Variants in CTNND2 observed in about 807,000 individuals in gnomAD.
The protein encoded by CTNND2 is catenin delta 2.
In CTNND2, 22 loss-of-function variants were observed where a neutral mutation model predicts 144.4. That is an observed-to-expected ratio of 0.15 (90% CI 0.11 to 0.22). The LOEUF is 0.22. Among genes scored for constraint, CTNND2 ranks in the 10% least tolerant of loss-of-function variants. CTNND2 has a pLI of 1.00. For missense variants in CTNND2, 1,353 were observed against 1,618.8 expected, an observed-to-expected ratio of 0.84 and a Z score of 2.82; for synonymous variants, 751 against 695.6, an observed-to-expected ratio of 1.08 and a Z score of -1.25.
chr5:11,803,821 TA>T (rs772344044), intron 1 of CTNND2, among the ~76,000 whole-genome samples: 3 of 152,212 alleles, frequency 2.0e-5, no homozygotes, highest in African/African-American at 4.8e-5. Context: ...TCCTCCCAGA[TA>T]TCTGGTCTGC....
intron 2 of CTNND2, among the ~76,000 whole-genome samples, chr5:11,643,228 GT>G (rs1196448565): frequency 1.3e-5 from 2 of 151,012 alleles, no homozygotes; most frequent in Non-Finnish European, 2.9e-5. Flanking sequence ...TTTTATTTTT[GT>G]TTTTTTAATT....
chr5:11,321,697 A>AC (rs2150069329), intron 9 of CTNND2, among the ~76,000 whole-genome samples: 1 of 151,870 alleles, frequency 6.6e-6, no homozygotes, highest in South Asian at 2.1e-4. Context: ...GAAATAAATA[A>AC]CCCCCCAATG....
chr5:11,135,473 C>T (rs1368887211), intron 12 of CTNND2, among the ~76,000 whole-genome samples: 2 of 152,222 alleles, frequency 1.3e-5, no homozygotes, highest in African/African-American at 4.8e-5. Context: ...TTTGACAAAA[C>T]ACATGCAGAG....
At chr5:11,650,934 G>A (rs946684103) in intron 2 of CTNND2, among the ~76,000 whole-genome samples, 2 of 152,182 alleles carry the variant, frequency 1.3e-5, no homozygotes, top group African/African-American at 4.8e-5. Context: ...AAAACTTGCA[G>A]CCTAACCATG....
intron 3 of CTNND2, among the ~76,000 whole-genome samples, chr5:11,479,502 T>C (rs1263253190): frequency 6.6e-6 from 1 of 152,226 alleles, no homozygotes; most frequent in East Asian, 1.9e-4. Context: ...TATATTCCTT[T>C]GGTTATACAC....
intron 11 of CTNND2, among the ~76,000 whole-genome samples, chr5:11,168,609 C>T (rs1206961200): frequency 6.6e-6 from 1 of 152,162 alleles, no homozygotes. Context: ...TGTATAATCT[C>T]TGGAAAGTGG....
At chr5:11,254,698 A>AG (rs1744050352) in intron 9 of CTNND2, among the ~76,000 whole-genome samples, 1 of 152,230 alleles carries the variant, frequency 6.6e-6, no homozygotes, top group Non-Finnish European at 1.5e-5. Context: ...TTACACTTCA[A>AG]GAAGTATGAA....
At chr5:11,544,775 G>T (rs1035759461) in intron 3 of CTNND2, among the ~76,000 whole-genome samples, 5 of 152,134 alleles carry the variant, frequency 3.3e-5, no homozygotes, top group Admixed American at 2.0e-4. Context: ...TTGAGGTCAG[G>T]AGTTCAAGAC....
At chr5:11,172,936 A>G (rs1760079354) in intron 11 of CTNND2, among the ~76,000 whole-genome samples, 1 of 152,194 alleles carries the variant, frequency 6.6e-6, no homozygotes, top group African/African-American at 2.4e-5. Context: ...CCAGGAAGAG[A>G]GTGGGACATA....
At chr5:11,126,105 C>T (rs562904712) in intron 12 of CTNND2, among the ~76,000 whole-genome samples, 1 of 152,120 alleles carries the variant, frequency 6.6e-6, no homozygotes. Flanking sequence ...AGTTCGAGAC[C>T]AGCCTGACCA....
chr5:11,770,301 C>T (rs1789843520), intron 1 of CTNND2, among the ~76,000 whole-genome samples: 1 of 152,000 alleles, frequency 6.6e-6, no homozygotes, highest in South Asian at 2.1e-4. Context: ...AACGTGAATA[C>T]TCAGTACTGA....
chr5:11,102,311 T>C (rs1751980512), intron 14 of CTNND2, among the ~76,000 whole-genome samples: 1 of 152,234 alleles, frequency 6.6e-6, no homozygotes, highest in Non-Finnish European at 1.5e-5. Context: ...ACTAGTGTAA[T>C]ACTGAACCTC....
intron 21 of CTNND2, among the ~76,000 whole-genome samples, chr5:10,977,909 CCCACGTGTGG>C (rs1561109276): frequency 6.6e-6 from 1 of 152,228 alleles, no homozygotes; most frequent in African/African-American, 2.4e-5. Flanking sequence ...AGGAGCAGCA[CCCACGTGTGG>C]CCATGTGTCT....
At chr5:11,504,670 A>G (rs1211824276) in intron 3 of CTNND2, among the ~76,000 whole-genome samples, 3 of 152,156 alleles carry the variant, frequency 2.0e-5, no homozygotes, top group Non-Finnish European at 2.9e-5. Context: ...GTGCTCTCCA[A>G]TGTGGATGGC....
chr5:11,460,529 A>G (rs1020469810), intron 3 of CTNND2, among the ~76,000 whole-genome samples: 2 of 151,528 alleles, frequency 1.3e-5, no homozygotes. Context: ...TGCTGTCCCC[A>G]CTAACTGAGT....
chr5:11,286,961 T>A (rs1747820602), intron 9 of CTNND2, among the ~76,000 whole-genome samples: 1 of 152,132 alleles, frequency 6.6e-6, no homozygotes, highest in South Asian at 2.1e-4. Flanking sequence ...TGCACTGTAG[T>A]CTATCCATGC....
rs1787173081 is a variant in CTNND2 at position 11,728,905 on chromosome 5, T to C, written c.174+3231A>G. Among the ~76,000 whole-genome samples, 4 of 152,270 alleles carry C rather than the reference T, an allele frequency of 2.6e-5. No individual in the cohort carries two copies. In the South Asian group the frequency reaches 8.3e-4, roughly 32 times the overall value. On this transcript the variant is annotated intron_variant, in intron 2 of 21. Transcript: ENST00000304623. ...TCAGATAAAAATTTTAAGAAACAAC[T>C]TAGCTTTCACTCTACAGATAATATT...
intron 3 of CTNND2, among the ~76,000 whole-genome samples, chr5:11,513,727 C>T (rs959477061): frequency 3.3e-5 from 5 of 152,066 alleles, no homozygotes; most frequent in Admixed American, 1.3e-4. Context: ...TCTTAATTTG[C>T]AAATGTGCCT....
chr5:11,443,248 GT>G lies in CTNND2; in HGVS notation c.288-31180del, dbSNP rs1469961019. Among the ~76,000 whole-genome samples, 42 of 121,576 alleles carry G rather than the reference GT, an allele frequency of 3.5e-4. No homozygotes were observed. In the South Asian group the frequency reaches 9.2e-3, roughly 27 times the overall value. The allele number at this position is 121,576 out of a possible 152,430, so 79.8% of individuals were successfully genotyped here. A position where few individuals can be genotyped will look rare whatever the true frequency, so the allele number is the denominator to read the frequency against. ...GTATGTGTGTGTGATGTGTGTGTGTGTGTGCTGTGTGTGGTGTGTGTGTGGT... is the reference window on the plus strand; with the variant it reads ...GTATGTGTGTGTGATGTGTGTGTGTGGTGCTGTGTGTGGTGTGTGTGTGGT... On this transcript the variant is annotated intron_variant, in intron 3 of 21. Coordinates refer to ENST00000304623, the MANE Select transcript of CTNND2 (RefSeq NM_001332.4).
Sources: allele counts gnomAD v4.1 joint callset (sites outside exome capture counted in the v4.1 genomes callset), GRCh38; gene constraint gnomAD v4.1.1; transcripts MANE v1.5; gene names NCBI Gene and HGNC (gene_info 2026-07-23, HGNC 2026-07-21).